Variants in SYT1 observed in about 807,000 individuals in gnomAD.
SYT1 encodes synaptotagmin-1.
Under a neutral mutation model 44.8 loss-of-function variants are expected in SYT1, and 8 were observed. The observed-to-expected ratio is 0.18, with a 90% CI of 0.10 to 0.32. The LOEUF is 0.32. Among genes scored for constraint, SYT1 ranks in the 10% least tolerant of loss-of-function variants. The pLI is 1.00. For synonymous variants in SYT1, 154 were observed against 188.8 expected (o/e 0.82, Z 1.51); for missense variants, 286 against 509.3 (o/e 0.56, Z 4.22).
rs980281636 is a variant in SYT1, at chr12:79,451,847, C to T, written c.*2723C>T. The T allele has an allele frequency of 6.6e-6, 1 of 152,054 alleles. No individual in the cohort carries two copies. The highest frequency in any genetic ancestry group is 6.6e-5 in the Admixed American group (1 of 15,262). The allele number at this position is 152,054 out of a possible 1,614,324, so 9.4% of individuals were successfully genotyped here. ...CCTCTGCCATATGGCTCGTGGCCTG[C>T]GAGCCAACTATTTCAGCTGTATTTT... On this transcript the variant is annotated 3_prime_UTR_variant, in exon 11 of 11. Transcript: ENST00000261205.
At chr12:78,897,270 C>CTTTTAATGA (rs1281712769) in intron 1 of SYT1, among the ~76,000 whole-genome samples, 1 of 151,634 alleles carries the variant, frequency 6.6e-6, no homozygotes, top group Non-Finnish European at 1.5e-5. Flanking sequence ...TACCAGGATA[C>CTTTTAATGA]TTTTAATGAT....
chr12:79,290,978 T>A (rs1286857230), intron 5 of SYT1, among the ~76,000 whole-genome samples: 2 of 152,216 alleles, frequency 1.3e-5, no homozygotes, highest in African/African-American at 4.8e-5. Context: ...TTCTAATTAA[T>A]TATTCTAATT....
At chr12:79,144,180 A>G (rs945613701) in intron 3 of SYT1, among the ~76,000 whole-genome samples, 2 of 152,208 alleles carry the variant, frequency 1.3e-5, no homozygotes, top group South Asian at 4.1e-4. Flanking sequence ...TGTGCCATCT[A>G]TTATTACAAC....
At chr12:79,424,207 T>G (rs911285416) in intron 9 of SYT1, among the ~76,000 whole-genome samples, 4 of 152,100 alleles carry the variant, frequency 2.6e-5, no homozygotes, top group African/African-American at 7.2e-5. Context: ...CCTCAGCCAG[T>G]TGCCTTGAAA....
At chr12:79,407,763 T>C (rs1359871173) in intron 9 of SYT1, among the ~76,000 whole-genome samples, 1 of 152,090 alleles carries the variant, frequency 6.6e-6, no homozygotes, top group African/African-American at 2.4e-5. Context: ...TGCAACTCTC[T>C]TACGCACAGT....
intron 2 of SYT1, among the ~76,000 whole-genome samples, chr12:79,021,493 A>G (rs1010333608): frequency 6.6e-6 from 1 of 151,874 alleles, no homozygotes; most frequent in Admixed American, 6.6e-5. Flanking sequence ...TACTGAAAAT[A>G]TCTCCTTTCT....
chr12:79,026,667 T>TA (rs1555190335), intron 2 of SYT1, among the ~76,000 whole-genome samples: 3 of 102,280 alleles, frequency 2.9e-5, no homozygotes, highest in South Asian at 3.4e-4. Flanking sequence ...CATATATATT[T>TA]TATATATATA....
At chr12:78,925,337 A>G (rs1358134149) in intron 1 of SYT1, among the ~76,000 whole-genome samples, 1 of 151,958 alleles carries the variant, frequency 6.6e-6, no homozygotes, top group Non-Finnish European at 1.5e-5. Context: ...GCTACTCACT[A>G]GAATTGAATA....
intron 3 of SYT1, among the ~76,000 whole-genome samples, chr12:79,208,660 A>G (rs1874262694): frequency 6.6e-6 from 1 of 152,164 alleles, no homozygotes; most frequent in Non-Finnish European, 1.5e-5. Context: ...GAAAAGAGAT[A>G]TTTAAAGGGG....
At chr12:78,898,889 A>G (rs138566010) in intron 1 of SYT1, among the ~76,000 whole-genome samples, 2 of 152,256 alleles carry the variant, frequency 1.3e-5, no homozygotes, top group African/African-American at 4.8e-5. Flanking sequence ...ATCAGCTAAC[A>G]TGGGACATTT....
rs552448103 is a variant in SYT1 at position 79,278,951 on chromosome 12, A to G, written c.167-6836A>G. 7.9e-5 allele frequency among the ~76,000 whole-genome samples: 12 copies of G among 151,766 alleles called. No homozygotes were observed. The South Asian group carries it at 2.3e-3, about 29-fold the overall frequency. ...AAACATATAGCCCCCCCAAGCCTGA[A>G]TCAGGAAGAAATAGAACTCTTGAAC... On this transcript the variant is annotated intron_variant, in intron 4 of 10. Transcript: ENST00000261205.
At chr12:79,320,227 T>C (rs1440443157) in intron 8 of SYT1, among the ~76,000 whole-genome samples, 1 of 152,084 alleles carries the variant, frequency 6.6e-6, no homozygotes, top group Non-Finnish European at 1.5e-5. Context: ...GCACTGACCA[T>C]TCTCCCAAAT....
chr12:79,124,044 A>G (rs1337577653), intron 3 of SYT1, among the ~76,000 whole-genome samples: 1 of 152,224 alleles, frequency 6.6e-6, no homozygotes, highest in Non-Finnish European at 1.5e-5. Context: ...GCATCTAACT[A>G]TTCAATGTTT....
At chr12:79,269,588 T>C (rs1264267572) in intron 4 of SYT1, among the ~76,000 whole-genome samples, 2 of 152,160 alleles carry the variant, frequency 1.3e-5, no homozygotes, top group African/African-American at 4.8e-5. Context: ...GTGTCTTGCC[T>C]TGATGCTCTG....
At chr12:79,313,887 G>GTTTTTGTTATTAAAAACATT (rs1250327127) in intron 8 of SYT1, among the ~76,000 whole-genome samples, 9 of 151,744 alleles carry the variant, frequency 5.9e-5, no homozygotes, top group African/African-American at 2.2e-4. Context: ...AATATTAGCG[G>GTTTTTGTTATTAAAAACATT]GGCCGGGCGC....
chr12:78,894,951 CAT>C (rs1357455743), intron 1 of SYT1, among the ~76,000 whole-genome samples: 2 of 151,552 alleles, frequency 1.3e-5, no homozygotes, highest in African/African-American at 4.8e-5. Context: ...TGAGGTAATG[CAT>C]ATGTTTATTA....
At chr12:79,058,091 T>C (rs1875101734) in intron 3 of SYT1, among the ~76,000 whole-genome samples, 1 of 152,052 alleles carries the variant, frequency 6.6e-6, no homozygotes, top group South Asian at 2.1e-4. Context: ...TGTGTTTTTT[T>C]GAAAGGCAAA....
chr12:78,872,682 A>G (rs1236373302), intron 1 of SYT1, among the ~76,000 whole-genome samples: 1 of 151,582 alleles, frequency 6.6e-6, no homozygotes, highest in African/African-American at 2.4e-5. Context: ...TTCCTATAGA[A>G]TCACTAAATG....
intron 2 of SYT1, among the ~76,000 whole-genome samples, chr12:78,981,129 T>TG (rs200715702): frequency 2.7e-4 from 40 of 148,552 alleles, no homozygotes; most frequent in African/African-American, 8.9e-4. Context: ...TTCTTTGTTT[T>TG]TTTTTTTTTT....
Sources: gnomAD v4.1 joint callset for allele counts (sites outside exome capture counted in the v4.1 genomes callset) on GRCh38, gnomAD v4.1.1 for gene constraint, MANE v1.5 for transcripts, NCBI Gene and HGNC (gene_info 2026-07-23, HGNC 2026-07-21) for gene names.